Variants in TMX4 observed in about 807,000 individuals in gnomAD.
TMX4 encodes the protein thioredoxin related transmembrane protein 4.
Under a neutral mutation model 33.3 loss-of-function variants are expected in TMX4, and 23 were observed. The observed-to-expected ratio is 0.69, with a 90% CI of 0.50 to 0.98. The LOEUF (loss-of-function observed/expected upper bound fraction) is 0.98. Ranked by LOEUF, TMX4 falls within the 50% of genes least tolerant of loss-of-function variation. TMX4 has a pLI of 0.00. For synonymous variants in TMX4, 164 were observed against 161.5 expected (o/e 1.02, Z -0.12); for missense variants, 399 against 448.9 (o/e 0.89, Z 1.01).
intron 5 of TMX4, among the ~76,000 whole-genome samples, chr20:7,991,955 G>C (rs2050657066): frequency 6.6e-6 from 1 of 152,132 alleles, no homozygotes; most frequent in Admixed American, 6.5e-5. Context: ...AGGGAAGACA[G>C]AAGACTGGAC....
chr20:8,017,667 A>G (rs1046446120), intron 1 of TMX4, among the ~76,000 whole-genome samples: 1 of 152,248 alleles, frequency 6.6e-6, no homozygotes, highest in African/African-American at 2.4e-5. Context: ...TTACCCTGAA[A>G]GATGACATCT....
Position 7,997,237 on chromosome 20 carries a change from A to G in TMX4, c.468-1166T>C, listed in dbSNP as rs145786690. Among the ~76,000 whole-genome samples, 1,301 of 152,084 alleles carry G rather than the reference A, an allele frequency of 8.6e-3. 14 individuals are homozygous for G. Among genetic ancestry groups the G allele is most frequent in the African/African-American group, 0.029 (1,222 of 41,490 alleles). On this transcript the variant is annotated intron_variant, in intron 4 of 7. Coordinates refer to ENST00000246024, the MANE Select transcript of TMX4 (RefSeq NM_021156.4). ...CTTTCTAGGTGTTCCCCTCACCTCA[A>G]CATTGTCTGTAGGTTTTTTTGTGTT... is the stretch of plus-strand genomic sequence containing the variant.
rs960469918 is a variant in TMX4 at position 7,982,170 on chromosome 20, T to C, written c.*81A>G. 4 of 1,431,650 alleles carry C rather than the reference T, an allele frequency of 2.8e-6. No individual in the cohort carries two copies. In the South Asian group the frequency reaches 5.5e-5, roughly 20 times the overall value. The allele number at this position is 1,431,650 out of a possible 1,614,324, so 88.7% of individuals were successfully genotyped here. ...AGAAGCTTGCTCATTCAGGAAAAATTAAGGATTTGGTACAAACTGCAGGCC... is the reference window on the plus strand; with the variant it reads ...AGAAGCTTGCTCATTCAGGAAAAATCAAGGATTTGGTACAAACTGCAGGCC... On this transcript the variant is annotated 3_prime_UTR_variant, in exon 8 of 8. Transcript: ENST00000246024.
At chr20:8,000,128 A>C (rs961123688) in intron 3 of TMX4, among the ~76,000 whole-genome samples, 1 of 152,152 alleles carries the variant, frequency 6.6e-6, no homozygotes, top group Non-Finnish European at 1.5e-5. Context: ...TTAATATGCC[A>C]AGTTACTTTT....
At chr20:7,999,136 T>G (rs2050690844) in intron 4 of TMX4, among the ~76,000 whole-genome samples, 2 of 152,188 alleles carry the variant, frequency 1.3e-5, no homozygotes, top group African/African-American at 2.4e-5. Context: ...GGGAAATTTC[T>G]TACACTTGTA....
intron 1 of TMX4, among the ~76,000 whole-genome samples, chr20:8,012,356 T>C (rs748509156): frequency 6.6e-6 from 1 of 152,174 alleles, no homozygotes; most frequent in Non-Finnish European, 1.5e-5. Context: ...CAACCATTAA[T>C]ACAAATTTCA....
chr20:7,995,166 G>C (rs1376700644), intron 5 of TMX4, among the ~76,000 whole-genome samples: 1 of 152,136 alleles, frequency 6.6e-6, no homozygotes, highest in Non-Finnish European at 1.5e-5. Context: ...AACAGAAAAA[G>C]AGTCTTCACA....
At chr20:8,013,816 T>C (rs929068678) in intron 1 of TMX4, 9 of 152,214 alleles carry the variant, frequency 5.9e-5, no homozygotes, top group Admixed American at 5.9e-4. Context: ...TCACCAGTGT[T>C]TCTCAGTACA....
At chr20:8,019,007 G>T (rs750627675) in intron 1 of TMX4, 1 of 451,678 alleles carries the variant, frequency 2.2e-6, no homozygotes, top group African/African-American at 2.0e-5. Flanking sequence ...GGATGTCACT[G>T]AATGTCCTTT....
At chr20:7,998,195 G>A (rs1229170589) in intron 4 of TMX4, among the ~76,000 whole-genome samples, 1 of 152,080 alleles carries the variant, frequency 6.6e-6, no homozygotes, top group Non-Finnish European at 1.5e-5. Context: ...AGCAATGCAA[G>A]AATGGACTAA....
chr20:7,986,840 G>A (rs1031342693), intron 6 of TMX4, among the ~76,000 whole-genome samples: 11 of 152,004 alleles, frequency 7.2e-5, no homozygotes, highest in Non-Finnish European at 4.4e-5. Flanking sequence ...ATGCATAAGC[G>A]GCTAGTCAGG....
At chr20:8,001,649 C>A in intron 2 of TMX4, 108 bp from the exon 3 acceptor site, 1 of 1,067,200 alleles carries the variant, frequency 9.4e-7, no homozygotes, top group Non-Finnish European at 1.4e-6. Flanking sequence ...ATTGTTGACT[C>A]ACATTTACTA....
At chr20:7,999,886 A>G (rs775650646) in intron 3 of TMX4, 26 bp from the exon 4 acceptor site, 2 of 1,594,908 alleles carry the variant, frequency 1.3e-6, no homozygotes, top group South Asian at 2.3e-5. Context: ...ACAAGTAGAA[A>G]GCAAATGCAT....
At chr20:7,996,476 C>T (rs1331157289) in intron 4 of TMX4, among the ~76,000 whole-genome samples, 1 of 152,152 alleles carries the variant, frequency 6.6e-6, no homozygotes, top group Non-Finnish European at 1.5e-5. Context: ...TCAAAACGTA[C>T]ACATCTTCCC....
At chr20:7,986,854 A>C (rs534487139) in intron 6 of TMX4, among the ~76,000 whole-genome samples, 84 of 152,296 alleles carry the variant, frequency 5.5e-4, no homozygotes, top group Middle Eastern at 3.4e-3. Flanking sequence ...AGTCAGGATT[A>C]GTTTAACTGG....
In TMX4 at chr20:8,019,099, C is replaced by G. The variant is rs185522326; in HGVS notation, c.176+339G>C. ...CTTCCCTTCTCCTCCCTATGGGAAGCTGCCCACTCCACCCCGAAAACACTG... is the reference window on the plus strand; with the variant it reads ...CTTCCCTTCTCCTCCCTATGGGAAGGTGCCCACTCCACCCCGAAAACACTG... On this transcript the variant is annotated intron_variant, in intron 1 of 7. Transcript: ENST00000246024. 2.2e-3 allele frequency: 1,068 copies of G among 482,876 alleles called. 5 individuals carry two copies. The highest frequency in any genetic ancestry group is 3.1e-3 in the Non-Finnish European group (794 of 252,900). 29.9% of individuals were successfully genotyped at this position (482,876 alleles called of 1,614,324 possible).
At chr20:7,990,422 G>A (rs1193128128) in intron 5 of TMX4, among the ~76,000 whole-genome samples, 1 of 152,102 alleles carries the variant, frequency 6.6e-6, no homozygotes, top group Non-Finnish European at 1.5e-5. Context: ...ACATATTTGA[G>A]TGAGAAGATG....
At chr20:8,007,079 T>C (rs978780997) in intron 2 of TMX4, among the ~76,000 whole-genome samples, 3 of 152,204 alleles carry the variant, frequency 2.0e-5, no homozygotes, top group Admixed American at 2.0e-4. Flanking sequence ...AACTTCTTTT[T>C]TTCTAAATGT....
intron 4 of TMX4, among the ~76,000 whole-genome samples, chr20:7,998,805 G>A (rs1373730333): frequency 6.6e-6 from 1 of 152,140 alleles, no homozygotes; most frequent in Non-Finnish European, 1.5e-5. Flanking sequence ...CGTCCCTTCA[G>A]AGAAATGTCT....
Sources: gnomAD v4.1 joint callset for allele counts (sites outside exome capture counted in the v4.1 genomes callset) on GRCh38, gnomAD v4.1.1 for gene constraint, MANE v1.5 for transcripts, NCBI Gene and HGNC (gene_info 2026-07-23, HGNC 2026-07-21) for gene names.